Variants in CEP15 observed in about 807,000 individuals in gnomAD.
CEP15 encodes the protein centrosomal protein 15, also known as centrosomal protein 15 kDa.
At chr3:62,333,201 G>A in the CEP15 span, 1 of 1,581,330 alleles carries the variant, frequency 6.3e-7, no homozygotes, top group Non-Finnish European at 8.6e-7. The surrounding 1 kb of genome is among the most constrained non-coding windows in gnomAD (Gnocchi z 4.0). Context: ...CTATTATGAA[G>A]AGCCAAGTTC....
chr3:62,333,215 T>G, the CEP15 span: 1 of 1,599,118 alleles, frequency 6.3e-7, no homozygotes, highest in East Asian at 2.2e-5. The surrounding 1 kb of genome is among the most constrained non-coding windows in gnomAD (Gnocchi z 4.0). Context: ...CAAGTTCAAT[T>G]GCTTGATATG....
the CEP15 span, among the ~76,000 whole-genome samples, chr3:62,328,039 G>C: frequency 6.6e-6 from 1 of 152,034 alleles, no homozygotes; most frequent in Non-Finnish European, 1.5e-5. Flanking sequence ...GTGTGCCTTT[G>C]CTGCCCAGAC....
At chr3:62,321,763 C>T in the CEP15 span, among the ~76,000 whole-genome samples, 1 of 152,114 alleles carries the variant, frequency 6.6e-6, no homozygotes, top group South Asian at 2.1e-4. The surrounding 1 kb of genome is among the most constrained non-coding windows in gnomAD (Gnocchi z 4.1). Context: ...ACTTATTGAA[C>T]TACCTCAGAT....
chr3:62,333,498 A>T, the CEP15 span: 3 of 1,225,288 alleles, frequency 2.4e-6, no homozygotes, highest in African/African-American at 4.6e-5. This position sits in a 1 kb window ranked among gnomAD's most constrained non-coding sequence, Gnocchi z 4.0. Context: ...TTCTTCGATT[A>T]TCTCCTAAGT....
chr3:62,335,982 G>A, the CEP15 span: 1 of 152,070 alleles, frequency 6.6e-6, no homozygotes, highest in African/African-American at 2.4e-5. Flanking sequence ...CAGACATCTG[G>A]TCTTTCTCAT....
chr3:62,321,537 A>G, the CEP15 span, among the ~76,000 whole-genome samples: 4 of 152,350 alleles, frequency 2.6e-5, no homozygotes, highest in East Asian at 7.7e-4. The surrounding 1 kb of genome is among the most constrained non-coding windows in gnomAD (Gnocchi z 4.1). Flanking sequence ...ATAGCAAGTT[A>G]TATCAATGTA....
chr3:62,320,548 T>G, the CEP15 span: 1 of 1,578,770 alleles, frequency 6.3e-7, no homozygotes, highest in South Asian at 1.1e-5. Context: ...AAGGGATGAT[T>G]CAGATATAGA....
At chr3:62,330,463 A>G in the CEP15 span, among the ~76,000 whole-genome samples, 4 of 152,190 alleles carry the variant, frequency 2.6e-5, no homozygotes, top group African/African-American at 4.8e-5. Flanking sequence ...TTATTAGACA[A>G]TGCTCAAATG....
the CEP15 span, among the ~76,000 whole-genome samples, chr3:62,327,443 A>T: frequency 3.9e-4 from 57 of 148,046 alleles, no homozygotes; most frequent in Middle Eastern, 3.5e-3. Flanking sequence ...CTTACAGCAC[A>T]TCTTAGTTTG....
chr3:62,321,510 T>C, the CEP15 span, among the ~76,000 whole-genome samples: 1 of 152,200 alleles, frequency 6.6e-6, no homozygotes, highest in Non-Finnish European at 1.5e-5. The surrounding 1 kb of genome is among the most constrained non-coding windows in gnomAD (Gnocchi z 4.1). Flanking sequence ...ACTGAAGTGT[T>C]AAGCAGAAGG....
At chr3:62,321,896 T>A in the CEP15 span, 1 of 1,513,860 alleles carries the variant, frequency 6.6e-7, no homozygotes, top group Non-Finnish European at 8.9e-7. The surrounding 1 kb of genome is among the most constrained non-coding windows in gnomAD (Gnocchi z 4.1). Flanking sequence ...GCTTTTACTT[T>A]TTTAACTCTA....
chr3:62,333,151 T>C, the CEP15 span: 6 of 953,584 alleles, frequency 6.3e-6, no homozygotes, highest in Non-Finnish European at 8.0e-6. This position sits in a 1 kb window ranked among gnomAD's most constrained non-coding sequence, Gnocchi z 4.0. Flanking sequence ...TGTGTGTGTG[T>C]ATACACGCAT....
At chr3:62,323,140 A>G in the CEP15 span, among the ~76,000 whole-genome samples, 3 of 152,210 alleles carry the variant, frequency 2.0e-5, no homozygotes, top group Non-Finnish European at 4.4e-5. Context: ...TATTTGATGA[A>G]TGCTTAGAGG....
the CEP15 span, among the ~76,000 whole-genome samples, chr3:62,319,990 A>C: frequency 6.6e-6 from 1 of 152,238 alleles, no homozygotes; most frequent in Non-Finnish European, 1.5e-5. Flanking sequence ...TAGAAGAGAG[A>C]TGGTAGAACT....
chr3:62,333,258 C>T, the CEP15 span: 20 of 1,607,122 alleles, frequency 1.2e-5, no homozygotes, highest in Middle Eastern at 3.4e-4. The surrounding 1 kb of genome is among the most constrained non-coding windows in gnomAD (Gnocchi z 4.0). Flanking sequence ...TTTCCAGACT[C>T]GTTACTGGGC....
chr3:62,327,433 C>T, the CEP15 span, among the ~76,000 whole-genome samples: 1 of 152,052 alleles, frequency 6.6e-6, no homozygotes, highest in Non-Finnish European at 1.5e-5. Context: ...ATGTTTTGCA[C>T]TTACAGCACA....
At chr3:62,330,972 A>G in the CEP15 span, among the ~76,000 whole-genome samples, 1 of 151,856 alleles carries the variant, frequency 6.6e-6, no homozygotes, top group African/African-American at 2.4e-5. Flanking sequence ...TTATTTTATC[A>G]TCTTTCTGGC....
the CEP15 span, chr3:62,321,936 A>T: frequency 6.3e-7 from 1 of 1,591,418 alleles, no homozygotes; most frequent in East Asian, 2.3e-5. The surrounding 1 kb of genome is among the most constrained non-coding windows in gnomAD (Gnocchi z 4.1). Context: ...CTAGAGTATC[A>T]CAAAGATTAA....
the CEP15 span, chr3:62,334,353 T>G: frequency 6.6e-6 from 1 of 152,106 alleles, no homozygotes; most frequent in Non-Finnish European, 1.5e-5. The surrounding 1 kb of genome is among the most constrained non-coding windows in gnomAD (Gnocchi z 4.9). Context: ...TTCAAACTGG[T>G]TTATGTTTTT....
Sources: allele counts gnomAD v4.1 joint callset (sites outside exome capture counted in the v4.1 genomes callset), GRCh38; gene constraint gnomAD v4.1.1; non-coding constraint Gnocchi (gnomAD v3.1); transcripts MANE v1.5; gene names NCBI Gene and HGNC (gene_info 2026-07-23, HGNC 2026-07-21).